The following SLC30A4 variants were observed in gnomAD, a reference collection of about 807,000 sequenced individuals.
The protein encoded by SLC30A4 is probable proton-coupled zinc antiporter SLC30A4.
Under a neutral mutation model 41.7 loss-of-function variants are expected in SLC30A4, and 20 were observed. The ratio of observed to expected loss-of-function variants is 0.48; its 90% confidence interval spans 0.34 to 0.70. The LOEUF (loss-of-function observed/expected upper bound fraction) is 0.70, where lower values mean the gene tolerates loss of function less well. Ranked by LOEUF, SLC30A4 falls within the 30% of genes least tolerant of loss-of-function variation. The probability of loss-of-function intolerance (pLI) is 0.01; values close to 1 mark genes in which losing one functional copy is unlikely to be tolerated. For synonymous variants in SLC30A4, 181 were observed against 195.9 expected, an observed-to-expected ratio of 0.92 and a Z score of 0.64; for missense variants, 441 against 529.3, an observed-to-expected ratio of 0.83 and a Z score of 1.64.
At chr15:45,509,082 CATG>C (rs1248121007) in intron 3 of SLC30A4, among the ~76,000 whole-genome samples, 5 of 152,144 alleles carry the variant, frequency 3.3e-5, no homozygotes, top group African/African-American at 9.6e-5. Context: ...ATTCCCATTC[CATG>C]ATGATATGTT....
At chr15:45,493,228 C>T (rs955044959) in intron 3 of SLC30A4, among the ~76,000 whole-genome samples, 13 of 152,146 alleles carry the variant, frequency 8.5e-5, no homozygotes, top group African/African-American at 2.7e-4. Context: ...GCCAAGATCA[C>T]ACCACTGCAC....
intron 5 of SLC30A4, 98 bp downstream of exon 5, chr15:45,488,743 C>T: frequency 1.2e-6 from 1 of 863,600 alleles, no homozygotes; most frequent in Admixed American, 2.1e-5. Context: ...ATGAATAGAA[C>T]TGGCACTGGT....
chr15:45,500,678 TTTTTA>T (rs1267382406), intron 3 of SLC30A4, among the ~76,000 whole-genome samples: 2 of 151,934 alleles, frequency 1.3e-5, no homozygotes, highest in South Asian at 2.1e-4. Context: ...TTTTGTTTTA[TTTTTA>T]TTTTTTTATT....
chr15:45,504,133 A>C (rs189381797), intron 3 of SLC30A4, among the ~76,000 whole-genome samples: 1 of 152,212 alleles, frequency 6.6e-6, no homozygotes. Context: ...CTAATTCTCT[A>C]TAAGAAAATT....
chr15:45,518,417 A>C (rs190453703), intron 2 of SLC30A4, among the ~76,000 whole-genome samples: 1 of 152,230 alleles, frequency 6.6e-6, no homozygotes, highest in Non-Finnish European at 1.5e-5. Context: ...GTACATTCAG[A>C]ACATGTAGCA....
At position 45,489,009 on chromosome 15, in the gene SLC30A4, A is replaced by C. The variant is rs1308878498; in HGVS notation, c.726T>G (p.Arg242=). Residue 242 remains arginine (R), a synonymous_variant, in exon 5 of 8, where the codon CGT becomes CGG. Transcript: ENST00000261867. The part of the protein sequence containing the change: ...MGFLLNQSGH[R]HSHSHSLPSN... ...AAGGCAGGGAGTGGGAATGGGAGTG[A>C]CGGTGACCAGACTGGTTCAACAGAA... is the stretch of plus-strand genomic sequence containing the variant. 1.2e-5 allele frequency: 20 copies of C among 1,614,004 alleles called. No homozygotes were observed. Among genetic ancestry groups the C allele is most frequent in the Non-Finnish European group, 1.7e-5 (20 of 1,179,882 alleles).
intron 3 of SLC30A4, among the ~76,000 whole-genome samples, chr15:45,498,192 G>A (rs976356031): frequency 3.3e-5 from 5 of 152,122 alleles, no homozygotes; most frequent in Non-Finnish European, 7.4e-5. Flanking sequence ...TAGGGAAGGA[G>A]AGTGGAGCTA....
At chr15:45,518,711 C>T (rs1892572376) in intron 2 of SLC30A4, among the ~76,000 whole-genome samples, 1 of 152,038 alleles carries the variant, frequency 6.6e-6, no homozygotes, top group South Asian at 2.1e-4. Context: ...CACAGACACG[C>T]ACTACCAAGT....
At chr15:45,504,819 G>A (rs1401283103) in intron 3 of SLC30A4, among the ~76,000 whole-genome samples, 2 of 152,134 alleles carry the variant, frequency 1.3e-5, no homozygotes, top group Non-Finnish European at 2.9e-5. Flanking sequence ...ACTTGCCCAA[G>A]GTCAAACTGG....
At chr15:45,521,876 G>A (rs770461779) in intron 2 of SLC30A4, 88 bp downstream of exon 2, 199 of 1,332,196 alleles carry the variant, frequency 1.5e-4, no homozygotes, top group Non-Finnish European at 2.0e-4. Context: ...CTGAAAAGAT[G>A]GGTTAAACCT....
At chr15:45,500,029 C>G (rs1891988826) in intron 3 of SLC30A4, among the ~76,000 whole-genome samples, 1 of 152,118 alleles carries the variant, frequency 6.6e-6, no homozygotes, top group South Asian at 2.1e-4. Context: ...AATAAATTAC[C>G]AAAGACTTAT....
chr15:45,499,785 C>T (rs1449502357), intron 3 of SLC30A4, among the ~76,000 whole-genome samples: 2 of 152,130 alleles, frequency 1.3e-5, no homozygotes, highest in African/African-American at 4.8e-5. Context: ...TGGCCCCTAA[C>T]CTGCTCTCCA....
At chr15:45,501,292 A>G (rs1892028807) in intron 3 of SLC30A4, among the ~76,000 whole-genome samples, 1 of 151,886 alleles carries the variant, frequency 6.6e-6, no homozygotes, top group Admixed American at 6.6e-5. Context: ...TGGGCAACAG[A>G]GCGAAACTCC....
Position 45,515,025 on chromosome 15 carries a change from A to C in SLC30A4, c.392-3741T>G, listed in dbSNP as rs1375587969. ...CTCCTTTGTAGCTGGGACTACAGGCATGTGCCACCACACCTTGCTAATTTT... is the reference window on the plus strand; with the variant it reads ...CTCCTTTGTAGCTGGGACTACAGGCCTGTGCCACCACACCTTGCTAATTTT... On this transcript the variant is annotated intron_variant, in intron 2 of 7. Transcript: ENST00000261867. Among the ~76,000 whole-genome samples, 3 of 150,164 alleles carry C rather than the reference A, an allele frequency of 2.0e-5. No individual in the cohort carries two copies. The South Asian group carries it at 6.3e-4, about 32-fold the overall frequency.
intron 2 of SLC30A4, among the ~76,000 whole-genome samples, chr15:45,514,600 C>T (rs1308062886): frequency 3.3e-5 from 5 of 150,520 alleles, no homozygotes; most frequent in South Asian, 2.1e-4. Context: ...CTGCAACCTC[C>T]GCCTTCTGGG....
intron 2 of SLC30A4, among the ~76,000 whole-genome samples, chr15:45,521,674 G>A (rs549194445): frequency 1.3e-5 from 2 of 152,218 alleles, no homozygotes; most frequent in East Asian, 1.9e-4. Context: ...CCAGACCTTT[G>A]TAAAAAGAGG....
chr15:45,517,431 A>T (rs1041534401), intron 2 of SLC30A4, among the ~76,000 whole-genome samples: 1 of 133,870 alleles, frequency 7.5e-6, no homozygotes, highest in African/African-American at 2.8e-5. Flanking sequence ...TCGGCTCACC[A>T]CAACCTCCGC....
At chr15:45,505,238 TAAAAAA>T (rs1209222695) in intron 3 of SLC30A4, among the ~76,000 whole-genome samples, 1 of 53,280 alleles carries the variant, frequency 1.9e-5, no homozygotes, top group Non-Finnish European at 4.1e-5. Flanking sequence ...TCTCAAAAAT[TAAAAAA>T]AAAAAAAAAA....
chr15:45,513,186 A>AT (rs1169757264), intron 2 of SLC30A4, among the ~76,000 whole-genome samples: 6 of 151,312 alleles, frequency 4.0e-5, no homozygotes, highest in Non-Finnish European at 5.9e-5. Context: ...AAACTAAGGA[A>AT]TTTAATTAAT....
Sources: gnomAD v4.1 joint callset for allele counts (sites outside exome capture counted in the v4.1 genomes callset) on GRCh38, gnomAD v4.1.1 for gene constraint, MANE v1.5 for transcripts, NCBI Gene and HGNC (gene_info 2026-07-23, HGNC 2026-07-21) for gene names.